The following TARS3 variants were observed in gnomAD, a reference collection of about 807,000 sequenced individuals.
The protein encoded by TARS3 is threonine--tRNA ligase 2, cytoplasmic.
In TARS3, 94 loss-of-function variants were observed where a neutral mutation model predicts 103.5. That is an observed-to-expected ratio of 0.91 (90% CI 0.77 to 1.08). The LOEUF (loss-of-function observed/expected upper bound fraction) is 1.08. Ranked by LOEUF, TARS3 falls within the 50% of genes least tolerant of loss-of-function variation. TARS3 has a pLI of 0.00. For synonymous variants in TARS3, 416 were observed against 355.4 expected (o/e 1.17, Z -1.92); for missense variants, 952 against 995.2 (o/e 0.96, Z 0.58).
chr15:101,700,324 G>GT (rs1899198257), intron 10 of TARS3, among the ~76,000 whole-genome samples: 2 of 152,162 alleles, frequency 1.3e-5, no homozygotes, highest in African/African-American at 4.8e-5. Context: ...ATTTTGCACT[G>GT]TTGGTTTTTT....
intron 3 of TARS3, among the ~76,000 whole-genome samples, chr15:101,718,169 G>C (rs1051445803): frequency 9.2e-5 from 14 of 152,134 alleles, no homozygotes; most frequent in African/African-American, 3.1e-4. Flanking sequence ...GGAAGTTCGA[G>C]ACCAGCCTGA....
At chr15:101,722,991 ATTTAATCAGTAATTTTTATTGGAAATCC>A in intron 2 of TARS3, 74 bp downstream of exon 2, 1 of 1,122,474 alleles carries the variant, frequency 8.9e-7, no homozygotes, top group Non-Finnish European at 1.3e-6. Flanking sequence ...CCAAATAATA[ATTTAATCAGTAATTTTTATTGGAAATCC>A]TAGGTAATTA....
At chr15:101,720,105 T>C (rs1009162914) in intron 3 of TARS3, among the ~76,000 whole-genome samples, 3 of 152,186 alleles carry the variant, frequency 2.0e-5, no homozygotes, top group Admixed American at 1.3e-4. Context: ...TCATTCCTCC[T>C]GGAAAACATG....
intron 3 of TARS3, among the ~76,000 whole-genome samples, chr15:101,716,429 TAATA>T (rs1298558948): frequency 6.6e-6 from 1 of 152,148 alleles, no homozygotes. Context: ...CTTTCCATAT[TAATA>T]TATAGGAATA....
intron 12 of TARS3, among the ~76,000 whole-genome samples, chr15:101,678,267 C>G (rs1434774748): frequency 6.6e-6 from 1 of 152,154 alleles, no homozygotes; most frequent in African/African-American, 2.4e-5. Context: ...CATGAGCCAC[C>G]TCACCCAGCC....
At chr15:101,656,359 A>G (rs1210062516) in intron 18 of TARS3, among the ~76,000 whole-genome samples, 1 of 152,268 alleles carries the variant, frequency 6.6e-6, no homozygotes, top group Non-Finnish European at 1.5e-5. Context: ...CTCTCAACTT[A>G]CAAGAAATAG....
rs1427452592 is a variant in TARS3 at position 101,715,273 on chromosome 15, A to C, written c.567-310T>G. ...GCCATTCTCCTGCCTCAGCCTCCCA[A>C]GTAGCTGGGACTACAGGCGCCCGCC... On this transcript the variant is annotated intron_variant, in intron 3 of 18. Coordinates refer to ENST00000335968, the MANE Select transcript of TARS3 (RefSeq NM_152334.3). Among the ~76,000 whole-genome samples the C allele has an allele frequency of 1.8e-4, 27 of 150,218 alleles. 1 individual carries two copies. The highest frequency in any genetic ancestry group is 4.5e-5 in the Non-Finnish European group (3 of 67,090).
intron 18 of TARS3, chr15:101,656,085 C>T (rs932643561): frequency 2.5e-5 from 32 of 1,278,236 alleles, no homozygotes; most frequent in African/African-American, 3.0e-5. Flanking sequence ...AAGACAGGAA[C>T]GAGAAATGGG....
At chr15:101,670,385 G>A (rs1897748506) in intron 15 of TARS3, among the ~76,000 whole-genome samples, 2 of 152,130 alleles carry the variant, frequency 1.3e-5, no homozygotes, top group Admixed American at 6.5e-5. Context: ...TAACCAAAGA[G>A]GATAAATGAA....
At chr15:101,715,051 T>C in intron 3 of TARS3, 88 bp from the exon 4 acceptor site, 1 of 1,356,514 alleles carries the variant, frequency 7.4e-7, no homozygotes, top group Admixed American at 2.5e-5. Flanking sequence ...GGGTTTTTTT[T>C]TTTTGAAGTG....
rs377037875 is a variant in TARS3, at chr15:101,719,883, A to G, written c.566+1243T>C. On this transcript the variant is annotated intron_variant, in intron 3 of 18. Coordinates refer to ENST00000335968, the MANE Select transcript of TARS3 (RefSeq NM_152334.3). ...TAGCTTGCATTAGAAGCCCCTGGAG[A>G]GCTCATAAAAACACTGATGGCTGAT... is the stretch of plus-strand genomic sequence containing the variant. Among the ~76,000 whole-genome samples, 3 of 152,166 alleles carry G rather than the reference A, an allele frequency of 2.0e-5. No homozygotes were observed. In the East Asian group the frequency reaches 5.8e-4, roughly 29 times the overall value.
chr15:101,679,776 T>G (rs1358672304), intron 12 of TARS3, among the ~76,000 whole-genome samples: 2 of 152,188 alleles, frequency 1.3e-5, no homozygotes, highest in African/African-American at 2.4e-5. Flanking sequence ...CCACTGACAC[T>G]CTTCCAGCAG....
chr15:101,692,197 C>G (rs1898758299), intron 10 of TARS3, among the ~76,000 whole-genome samples: 1 of 152,226 alleles, frequency 6.6e-6, no homozygotes, highest in Admixed American at 6.5e-5. Flanking sequence ...CTGGTTCTCC[C>G]TGCTGTGGGT....
At chr15:101,715,382 G>A (rs944260045) in intron 3 of TARS3, among the ~76,000 whole-genome samples, 9 of 152,014 alleles carry the variant, frequency 5.9e-5, no homozygotes, top group East Asian at 5.8e-4. Flanking sequence ...TCCTGACCTC[G>A]TGATCCGCCC....
chr15:101,679,021 A>G (rs1898147163), intron 12 of TARS3, among the ~76,000 whole-genome samples: 1 of 152,074 alleles, frequency 6.6e-6, no homozygotes, highest in Admixed American at 6.6e-5. Context: ...GCTATCATTC[A>G]AATTGTTTTT....
chr15:101,707,310 T>C (rs1179470865), intron 6 of TARS3, among the ~76,000 whole-genome samples: 1 of 152,178 alleles, frequency 6.6e-6, no homozygotes, highest in Non-Finnish European at 1.5e-5. Context: ...AGAATTGCCA[T>C]AGGATCCAGA....
chr15:101,663,350 C>T (rs536026205), intron 15 of TARS3, among the ~76,000 whole-genome samples: 6 of 152,196 alleles, frequency 3.9e-5, no homozygotes, highest in Non-Finnish European at 8.8e-5. Flanking sequence ...CTAGAGCATT[C>T]AGTACAGTAA....
At chr15:101,712,810 G>T (rs1899934122) in intron 4 of TARS3, among the ~76,000 whole-genome samples, 1 of 152,230 alleles carries the variant, frequency 6.6e-6, no homozygotes, top group Non-Finnish European at 1.5e-5. Flanking sequence ...TAGAAAGCAA[G>T]TTACAATTAA....
intron 6 of TARS3, among the ~76,000 whole-genome samples, chr15:101,707,251 T>C (rs1041012397): frequency 2.0e-5 from 3 of 151,966 alleles, no homozygotes; most frequent in Admixed American, 1.3e-4. Flanking sequence ...TGTAAAATGG[T>C]GTAGCCACTG....
Sources: gnomAD v4.1 joint callset for allele counts (sites outside exome capture counted in the v4.1 genomes callset) on GRCh38, gnomAD v4.1.1 for gene constraint, MANE v1.5 for transcripts, NCBI Gene and HGNC (gene_info 2026-07-23, HGNC 2026-07-21) for gene names.